GALNT13: variants seen among roughly 807,000 people sequenced by gnomAD.
GALNT13 encodes the protein polypeptide N-acetylgalactosaminyltransferase 13.
A neutral mutation model predicts 64.2 loss-of-function variants in GALNT13; 28 were observed. That is an observed-to-expected ratio of 0.44 (90% CI 0.32 to 0.60). The LOEUF (loss-of-function observed/expected upper bound fraction) is 0.60. Among genes scored for constraint, GALNT13 ranks in the 20% least tolerant of loss-of-function variants. GALNT13 has a pLI of 0.05. For missense variants in GALNT13, 577 were observed against 669.8 expected, an observed-to-expected ratio of 0.86 and a Z score of 1.53; for synonymous variants, 214 against 224.6, an observed-to-expected ratio of 0.95 and a Z score of 0.42.
the GALNT13 span, among the ~76,000 whole-genome samples, chr2:153,081,998 G>A: frequency 1.3e-5 from 2 of 152,248 alleles, no homozygotes; most frequent in African/African-American, 4.8e-5. Context: ...ACAGTGTACA[G>A]AGTTTCCCTT....
chr2:154,390,434 A>G (rs1332431322), intron 9 of GALNT13, among the ~76,000 whole-genome samples: 1 of 152,114 alleles, frequency 6.6e-6, no homozygotes, highest in Non-Finnish European at 1.5e-5. Flanking sequence ...ATGTGTCCAC[A>G]TGTCCTCATG....
At chr2:153,180,035 A>G in the GALNT13 span, among the ~76,000 whole-genome samples, 18 of 152,052 alleles carry the variant, frequency 1.2e-4, no homozygotes, top group Non-Finnish European at 2.1e-4. Flanking sequence ...CTATTGCGTA[A>G]TTGCTTTGGC....
At chr2:153,625,718 T>C in the GALNT13 span, among the ~76,000 whole-genome samples, 1 of 152,138 alleles carries the variant, frequency 6.6e-6, no homozygotes, top group Non-Finnish European at 1.5e-5. Flanking sequence ...GATTTCTTGA[T>C]TCATCTCAGT....
the GALNT13 span, among the ~76,000 whole-genome samples, chr2:153,622,044 A>G: frequency 6.6e-6 from 1 of 152,128 alleles, no homozygotes; most frequent in East Asian, 1.9e-4. Flanking sequence ...AGGAAGCCCC[A>G]AACTGGTAAG....
At chr2:153,437,751 G>C in the GALNT13 span, among the ~76,000 whole-genome samples, 4 of 152,176 alleles carry the variant, frequency 2.6e-5, no homozygotes, top group South Asian at 8.3e-4. Flanking sequence ...CCTGAATACG[G>C]CACACTGATG....
chr2:153,916,617 T>C (rs970313395), intron 2 of GALNT13, among the ~76,000 whole-genome samples: 1 of 152,234 alleles, frequency 6.6e-6, no homozygotes, highest in African/African-American at 2.4e-5. Context: ...GGGCATGATA[T>C]AACTGTGTTT....
chr2:153,337,604 AG>A, the GALNT13 span: 1 of 152,232 alleles, frequency 6.6e-6, no homozygotes. Flanking sequence ...AAACTATAAA[AG>A]TATTTATTTG....
chr2:154,067,710 G>C (rs1700541215), intron 3 of GALNT13, among the ~76,000 whole-genome samples: 1 of 151,968 alleles, frequency 6.6e-6, no homozygotes, highest in African/African-American at 2.4e-5. Context: ...ATATACAAAA[G>C]TCAACTCAAA....
chr2:153,094,198 C>T, the GALNT13 span, among the ~76,000 whole-genome samples: 2 of 151,594 alleles, frequency 1.3e-5, no homozygotes, highest in African/African-American at 2.4e-5. Context: ...GTTTGGTTTT[C>T]CCTTTTTTCA....
chr2:154,009,169 C>CTTTTT (rs146389666), intron 3 of GALNT13, among the ~76,000 whole-genome samples: 1 of 143,696 alleles, frequency 7.0e-6, no homozygotes. Context: ...TCCATTGCTT[C>CTTTTT]TTTTTTTTTC....
At chr2:154,278,035 A>G (rs1426355267) in intron 8 of GALNT13, among the ~76,000 whole-genome samples, 1 of 152,152 alleles carries the variant, frequency 6.6e-6, no homozygotes, top group Non-Finnish European at 1.5e-5. Context: ...GTAATATGTG[A>G]TCCCTGACCA....
At chr2:154,115,097 A>G (rs72871821) in intron 3 of GALNT13, among the ~76,000 whole-genome samples, 7,106 of 152,140 alleles carry the variant, frequency 0.047, 222 homozygotes, top group South Asian at 0.11. Flanking sequence ...TCTTCTAGAC[A>G]CTCCCAGCCG....
chr2:153,764,372 A>T, the GALNT13 span, among the ~76,000 whole-genome samples: 1 of 152,300 alleles, frequency 6.6e-6, no homozygotes, highest in East Asian at 1.9e-4. Context: ...CCCCATTTCT[A>T]ATAAAAATAC....
the GALNT13 span, among the ~76,000 whole-genome samples, chr2:153,239,232 T>C: frequency 1.2e-4 from 19 of 152,284 alleles, no homozygotes; most frequent in Admixed American, 5.2e-4. Context: ...TGTTTATTTC[T>C]TGTTGGCGTT....
At chr2:154,334,668 A>G (rs938381256) in intron 9 of GALNT13, among the ~76,000 whole-genome samples, 2 of 151,984 alleles carry the variant, frequency 1.3e-5, no homozygotes, top group Non-Finnish European at 2.9e-5. Context: ...TAACGCCAGA[A>G]TATTCCTGGA....
chr2:154,342,153 C>A (rs1264071411), intron 9 of GALNT13, among the ~76,000 whole-genome samples: 1 of 151,814 alleles, frequency 6.6e-6, no homozygotes, highest in African/African-American at 2.4e-5. Context: ...GAAAAAAGTT[C>A]AGGCTGGAGA....
At chr2:153,636,396 G>A in the GALNT13 span, among the ~76,000 whole-genome samples, 4 of 152,098 alleles carry the variant, frequency 2.6e-5, no homozygotes, top group African/African-American at 9.7e-5. Context: ...TTTAAAAACA[G>A]AAAGGTGGTA....
chr2:153,585,296 G>A, the GALNT13 span, among the ~76,000 whole-genome samples: 1 of 148,226 alleles, frequency 6.7e-6, no homozygotes, highest in Non-Finnish European at 1.5e-5. Flanking sequence ...ACATTTTAAA[G>A]CCTCAACAAC....
intron 8 of GALNT13, among the ~76,000 whole-genome samples, chr2:154,273,950 A>T (rs1691495582): frequency 6.6e-6 from 1 of 152,232 alleles, no homozygotes; most frequent in Admixed American, 6.5e-5. Context: ...GTTATAATGG[A>T]TCTAGTATAG....
Sources: allele counts gnomAD v4.1 joint callset (sites outside exome capture counted in the v4.1 genomes callset), GRCh38; gene constraint gnomAD v4.1.1; transcripts MANE v1.5; gene names NCBI Gene and HGNC (gene_info 2026-07-23, HGNC 2026-07-21).